Variants in EEFSEC observed in about 807,000 individuals in gnomAD.
EEFSEC encodes the protein selenocysteine-specific elongation factor.
Under a neutral mutation model 42.1 loss-of-function variants are expected in EEFSEC, and 43 were observed. The ratio of observed to expected loss-of-function variants is 1.02; its 90% CI spans 0.80 to 1.32. EEFSEC has a LOEUF of 1.32. EEFSEC is among the 40% of genes most tolerant of loss of function. EEFSEC has a pLI of 0.00. For synonymous variants in EEFSEC, 354 were observed against 339.1 expected (o/e 1.04, Z -0.48); for missense variants, 745 against 803.6 (o/e 0.93, Z 0.88).
chr3:128,215,233 G>T (rs761340461), intron 1 of EEFSEC, among the ~76,000 whole-genome samples: 1 of 152,138 alleles, frequency 6.6e-6, no homozygotes, highest in Non-Finnish European at 1.5e-5. Context: ...ATGTTAGGGG[G>T]TGAAGCTCCT....
intron 1 of EEFSEC, among the ~76,000 whole-genome samples, chr3:128,192,523 C>T (rs2065536582): frequency 6.6e-6 from 1 of 152,178 alleles, no homozygotes; most frequent in Non-Finnish European, 1.5e-5. Context: ...TAGAACATTA[C>T]CCCAGAAGAT....
At chr3:128,332,715 C>T (rs2067147469) in intron 4 of EEFSEC, among the ~76,000 whole-genome samples, 1 of 152,204 alleles carries the variant, frequency 6.6e-6, no homozygotes, top group Admixed American at 6.5e-5. Flanking sequence ...AGAGGTGGTG[C>T]TGGGGAGCTG....
intron 4 of EEFSEC, among the ~76,000 whole-genome samples, chr3:128,311,545 G>C (rs894973716): frequency 6.6e-6 from 1 of 152,240 alleles, no homozygotes; most frequent in African/African-American, 2.4e-5. Context: ...GTGGCTGGCA[G>C]CCTGTCTTCC....
chr3:128,246,879 C>T lies in EEFSEC; in HGVS notation c.360C>T (p.Thr120=). 6.2e-7 allele frequency: 1 copy of T among 1,614,122 alleles called. No homozygotes were observed. The highest frequency in any genetic ancestry group is 8.5e-7 in the Non-Finnish European group (1 of 1,180,030). The change falls in exon 2 of 7, where the codon ACC becomes ACT. Residue 120 remains threonine (T), a synonymous_variant. Transcript: ENST00000254730. ...TGATGATGCTGGTCATCGATGTGAC[C>T]AAGGGGATGCAGACCCAGTCAGCGG... is the stretch of plus-strand genomic sequence containing the variant. ...IDLMMLVIDV[T]KGMQTQSAEC...
chr3:128,337,831 C>T (rs1281926796), intron 4 of EEFSEC, among the ~76,000 whole-genome samples: 3 of 152,144 alleles, frequency 2.0e-5, no homozygotes, highest in African/African-American at 7.2e-5. Flanking sequence ...GTGTCTTGGG[C>T]CTTATTGATA....
At chr3:128,425,343 T>C in the EEFSEC span, among the ~76,000 whole-genome samples, 1 of 152,214 alleles carries the variant, frequency 6.6e-6, no homozygotes, top group Non-Finnish European at 1.5e-5. Flanking sequence ...TCCCAGCAGC[T>C]CCTTGGGTCA....
the EEFSEC span, among the ~76,000 whole-genome samples, chr3:128,424,445 G>A: frequency 6.6e-6 from 1 of 152,126 alleles, no homozygotes; most frequent in Non-Finnish European, 1.5e-5. Context: ...GCAGTGGTGT[G>A]ATCATGGCTC....
At position 128,383,289 on chromosome 3, in the gene EEFSEC, A is replaced by G. The variant is rs558541830; in HGVS notation, c.1601-24780A>G. Among the ~76,000 whole-genome samples the G allele has an allele frequency of 2.2e-3, 340 of 152,366 alleles. 1 individual carries two copies. The highest frequency in any genetic ancestry group is 4.1e-3 in the Non-Finnish European group (282 of 68,032). ...ACCATGCTGGACCCCCACCCCTGGA[A>G]CAGGGCCCAGGGCACAATAAGTGCT... On this transcript the variant is annotated intron_variant, in intron 6 of 6. Transcript: ENST00000254730.
At chr3:128,377,660 T>A (rs1378308669) in intron 6 of EEFSEC, among the ~76,000 whole-genome samples, 2 of 152,240 alleles carry the variant, frequency 1.3e-5, no homozygotes, top group Non-Finnish European at 2.9e-5. Flanking sequence ...GCTGGAAGCA[T>A]CTCTGTCTAT....
chr3:128,412,277 T>C (rs1452565295), downstream of EEFSEC, among the ~76,000 whole-genome samples: 2 of 152,206 alleles, frequency 1.3e-5, no homozygotes, highest in Non-Finnish European at 2.9e-5. Flanking sequence ...CAGACCCCTG[T>C]CTGGGGAGTG....
intron 6 of EEFSEC, among the ~76,000 whole-genome samples, chr3:128,373,055 T>G (rs2067671668): frequency 3.3e-5 from 5 of 152,306 alleles, no homozygotes; most frequent in Admixed American, 3.3e-4. Flanking sequence ...GTCCCAAGGC[T>G]GAGTGTTTCC....
At chr3:128,154,980 T>TAATACATG (rs1225085614) in intron 1 of EEFSEC, among the ~76,000 whole-genome samples, 1 of 152,218 alleles carries the variant, frequency 6.6e-6, no homozygotes, top group Non-Finnish European at 1.5e-5. Context: ...ATTATACATG[T>TAATACATG]AATACATGAA....
intron 6 of EEFSEC, among the ~76,000 whole-genome samples, chr3:128,371,086 T>C (rs898995676): frequency 2.0e-5 from 3 of 152,202 alleles, no homozygotes; most frequent in African/African-American, 7.2e-5. Flanking sequence ...TCCTTTGATA[T>C]ATATAAAATG....
intron 1 of EEFSEC, among the ~76,000 whole-genome samples, chr3:128,232,634 T>C (rs1415647810): frequency 6.6e-6 from 1 of 152,222 alleles, no homozygotes; most frequent in Non-Finnish European, 1.5e-5. Context: ...AAGCATGAAA[T>C]CAAATTATAG....
chr3:128,194,099 G>T (rs1427257003), intron 1 of EEFSEC, among the ~76,000 whole-genome samples: 1 of 152,218 alleles, frequency 6.6e-6, no homozygotes, highest in East Asian at 1.9e-4. Context: ...TCCTGGTGTG[G>T]AGGTAAGTTT....
chr3:128,288,395 C>T (rs1000812871), intron 4 of EEFSEC, among the ~76,000 whole-genome samples: 2 of 152,138 alleles, frequency 1.3e-5, no homozygotes, highest in African/African-American at 4.8e-5. Flanking sequence ...ACATATAAGT[C>T]GTATGTGCCA....
intron 4 of EEFSEC, among the ~76,000 whole-genome samples, chr3:128,308,702 T>G (rs1428940439): frequency 6.6e-6 from 1 of 152,206 alleles, no homozygotes; most frequent in Non-Finnish European, 1.5e-5. Context: ...AATGGGTGAC[T>G]TGGGCCCTTC....
intron 5 of EEFSEC, among the ~76,000 whole-genome samples, chr3:128,348,616 T>G (rs2067345405): frequency 6.6e-6 from 1 of 152,204 alleles, no homozygotes; most frequent in African/African-American, 2.4e-5. Flanking sequence ...CTTTTACTAT[T>G]AGCTTCCTCT....
chr3:128,154,219 C>CTAGA (rs1220048237), intron 1 of EEFSEC, among the ~76,000 whole-genome samples: 2 of 152,066 alleles, frequency 1.3e-5, no homozygotes, highest in Non-Finnish European at 2.9e-5. Context: ...ATTCCCGTTC[C>CTAGA]TAGAGCCAAC....
Sources: allele counts gnomAD v4.1 joint callset (sites outside exome capture counted in the v4.1 genomes callset), GRCh38; gene constraint gnomAD v4.1.1; transcripts MANE v1.5; gene names NCBI Gene and HGNC (gene_info 2026-07-23, HGNC 2026-07-21).